Variants in ITSN1 observed in about 807,000 individuals in gnomAD.
ITSN1 encodes intersectin-1.
A neutral mutation model predicts 239.8 loss-of-function variants in ITSN1; 58 were observed. The ratio of observed to expected loss-of-function variants is 0.24; its 90% CI spans 0.20 to 0.30. The LOEUF is 0.30. Among genes scored for constraint, ITSN1 ranks in the 10% least tolerant of loss-of-function variants. The probability of loss-of-function intolerance (pLI) is 1.00; values close to 1 mark genes in which losing one functional copy is unlikely to be tolerated. For missense variants in ITSN1, 1,558 were observed against 2,103.3 expected, an observed-to-expected ratio of 0.74 and a Z score of 5.07; for synonymous variants, 780 against 770.8, an observed-to-expected ratio of 1.01 and a Z score of -0.20.
chr21:33,678,058 A>G (rs1307718857), intron 1 of ITSN1, among the ~76,000 whole-genome samples: 1 of 152,210 alleles, frequency 6.6e-6, no homozygotes, highest in East Asian at 1.9e-4. Flanking sequence ...TCCAAGCCTT[A>G]CTATAAAAGA....
intron 4 of ITSN1, among the ~76,000 whole-genome samples, chr21:33,726,857 G>T (rs943469006): frequency 1.3e-5 from 2 of 152,192 alleles, no homozygotes; most frequent in African/African-American, 4.8e-5. Context: ...TGGAAACTGT[G>T]TCTAGTTTCT....
rs1986236184 is a variant in ITSN1, at chr21:33,889,790, CA to C, written c.*1491del. The C allele has an allele frequency of 6.6e-6, 1 of 152,162 alleles. No individual in the cohort carries two copies. Among genetic ancestry groups the C allele is most frequent in the Admixed American group, 6.5e-5 (1 of 15,282 alleles). 9.4% of individuals were successfully genotyped at this position (152,162 alleles called of 1,614,324 possible). A position where few individuals can be genotyped will look rare whatever the true frequency, so the allele number is the denominator to read the frequency against. On this transcript the variant is annotated 3_prime_UTR_variant, in exon 40 of 40. Coordinates refer to ENST00000381318, the MANE Select transcript of ITSN1 (RefSeq NM_003024.3). The stretch of plus-strand genomic sequence containing the variant: ...CTAAATGATAGCATCAGCGTTGTGG[CA>C]GAGTACCTCCTTTGCTGGGAACTGA...
At position 33,782,950 on chromosome 21, in the gene ITSN1, A is replaced by G. The variant is rs2070324679; in HGVS notation, c.1824+817A>G. Reference sequence around the variant, plus strand: ...TGAGGCAGGAGAATGATGTGAACCCAGGAGGCGGAGCTTGCAGTAAGCCAA... The same window carrying G: ...TGAGGCAGGAGAATGATGTGAACCCGGGAGGCGGAGCTTGCAGTAAGCCAA... On this transcript the variant is annotated intron_variant, in intron 16 of 39. Coordinates refer to ENST00000381318, the MANE Select transcript of ITSN1 (RefSeq NM_003024.3). Among the ~76,000 whole-genome samples, 6 of 152,260 alleles carry G rather than the reference A, an allele frequency of 3.9e-5. 1 individual carries two copies. The South Asian group carries it at 1.2e-3, about 32-fold the overall frequency.
intron 29 of ITSN1, among the ~76,000 whole-genome samples, chr21:33,844,483 TGGAAC>T (rs2074925085): frequency 6.6e-6 from 1 of 152,212 alleles, no homozygotes. Context: ...CAGCAAAGAA[TGGAAC>T]GTTCAGCCCC....
chr21:33,790,801 C>T (rs776529092), intron 16 of ITSN1, among the ~76,000 whole-genome samples: 40 of 152,072 alleles, frequency 2.6e-4, no homozygotes, highest in Admixed American at 9.2e-4. Context: ...GCCATTTCCC[C>T]CAATAATTTG....
At chr21:33,879,712 C>A (rs1230612561) in intron 34 of ITSN1, among the ~76,000 whole-genome samples, 1 of 152,194 alleles carries the variant, frequency 6.6e-6, no homozygotes, top group Admixed American at 6.5e-5. Flanking sequence ...CAGAGTCTCA[C>A]TCTCTTACCC....
chr21:33,849,086 C>A (rs1231540307), intron 29 of ITSN1, among the ~76,000 whole-genome samples: 1 of 149,838 alleles, frequency 6.7e-6, no homozygotes, highest in Non-Finnish European at 1.5e-5. Context: ...ACTAAAAATA[C>A]AAAAATTAGC....
chr21:33,826,165 G>A (rs1602467757), intron 25 of ITSN1, among the ~76,000 whole-genome samples: 2 of 152,182 alleles, frequency 1.3e-5, no homozygotes, highest in East Asian at 3.8e-4. Flanking sequence ...ACACTTGATA[G>A]TTGGGAAGAA....
chr21:33,867,108 G>T (rs1981743279), intron 32 of ITSN1, 125 bp from the exon 33 acceptor site: 8 of 642,080 alleles, frequency 1.2e-5, no homozygotes, highest in Middle Eastern at 4.2e-4. Context: ...CCAACCCCAG[G>T]TCTCTCAGTT....
intron 20 of ITSN1, among the ~76,000 whole-genome samples, chr21:33,808,306 C>T (rs2072625436): frequency 6.6e-6 from 1 of 151,968 alleles, no homozygotes; most frequent in African/African-American, 2.4e-5. Flanking sequence ...AATATCTGGC[C>T]TGGCACGGTG....
chr21:33,728,086 C>T (rs990168514), intron 4 of ITSN1, among the ~76,000 whole-genome samples: 2 of 151,568 alleles, frequency 1.3e-5, no homozygotes, highest in African/African-American at 4.9e-5. Context: ...TGCATCAGCA[C>T]CTTGACTAAC....
intron 20 of ITSN1, among the ~76,000 whole-genome samples, chr21:33,803,936 T>C (rs960076628): frequency 1.3e-5 from 2 of 152,214 alleles, no homozygotes; most frequent in African/African-American, 2.4e-5. Context: ...ATACTCCAGG[T>C]GCCATTCAGC....
chr21:33,781,581 T>G, intron 15 of ITSN1, 33 bp downstream of exon 15: 1 of 1,237,796 alleles, frequency 8.1e-7, no homozygotes, highest in South Asian at 1.4e-5. Flanking sequence ...TGACCTTTTC[T>G]TTATTCTTTC....
Position 33,814,003 on chromosome 21 carries a change from G to C in ITSN1, c.2658G>C (p.Gln886His). 1.2e-6 allele frequency: 2 copies of C among 1,614,154 alleles called. No homozygotes were observed. Among genetic ancestry groups the C allele is most frequent in the Non-Finnish European group, 1.7e-6 (2 of 1,180,024 alleles). Residue 886 changes from glutamine (Q) to histidine (H), a missense_variant, in exon 22 of 40, where the codon CAG becomes CAC. By Grantham distance (24) the Gln-to-His change is conservative. Around this residue, in one of 2 missense-constraint regions of ITSN1, gnomAD observed 982 missense variants for 1,209.9 expected, o/e 0.81. Coordinates refer to ENST00000381318, the MANE Select transcript of ITSN1 (RefSeq NM_003024.3). The stretch of plus-strand genomic sequence containing the variant: ...CTCTCACCGTTCCAAGTGCCGGCCA[G>C]TTAAGGCAGAGGTCCGCCTTTACTC... ...QPSLTVPSAG[Q>H]LRQRSAFTPA...
intron 5 of ITSN1, among the ~76,000 whole-genome samples, chr21:33,738,694 C>T (rs989435352): frequency 2.0e-5 from 3 of 152,120 alleles, no homozygotes; most frequent in Admixed American, 6.6e-5. Flanking sequence ...GCCACCGCAC[C>T]CGGATGGCTT....
In ITSN1 at chr21:33,879,743, G is replaced by A. The variant is rs191182336; in HGVS notation, c.4342-2500G>A. Among the ~76,000 whole-genome samples, 26 of 152,168 alleles carry A rather than the reference G, an allele frequency of 1.7e-4. No homozygotes were observed. In the East Asian group the frequency reaches 4.3e-3, roughly 25 times the overall value. On this transcript the variant is annotated intron_variant, in intron 34 of 39. Coordinates refer to ENST00000381318, the MANE Select transcript of ITSN1 (RefSeq NM_003024.3). Reference sequence around the variant, plus strand: ...TACCCAAGCTGGAGTGCAGAGGTGCGATCTCGGCTCACTGCAACCTCCACC... The same window carrying A: ...TACCCAAGCTGGAGTGCAGAGGTGCAATCTCGGCTCACTGCAACCTCCACC...
intron 35 of ITSN1, among the ~76,000 whole-genome samples, chr21:33,883,259 A>T (rs999355274): frequency 1.3e-5 from 2 of 152,222 alleles, no homozygotes; most frequent in African/African-American, 4.8e-5. Context: ...CATATTTATC[A>T]TATTTATAAT....
chr21:33,694,751 G>A (rs763944214), intron 1 of ITSN1, among the ~76,000 whole-genome samples: 7 of 152,180 alleles, frequency 4.6e-5, no homozygotes, highest in Admixed American at 6.5e-5. Flanking sequence ...CCTGGGAGGC[G>A]GAGATTGCAG....
chr21:33,726,352 C>A (rs909558467), intron 4 of ITSN1, among the ~76,000 whole-genome samples: 2 of 135,000 alleles, frequency 1.5e-5, no homozygotes, highest in Non-Finnish European at 3.3e-5. Context: ...CAGCTCCCTC[C>A]AACCCCCATA....
Sources: allele counts gnomAD v4.1 joint callset (sites outside exome capture counted in the v4.1 genomes callset), GRCh38; gene constraint gnomAD v4.1.1; regional missense constraint gnomAD v4.1.1; transcripts MANE v1.5; gene names NCBI Gene and HGNC (gene_info 2026-07-23, HGNC 2026-07-21).